AKAP13: variants seen among roughly 807,000 people sequenced by gnomAD.
AKAP13 encodes A-kinase anchor protein 13.
Under a neutral mutation model 264.5 loss-of-function variants are expected in AKAP13, and 80 were observed. The observed-to-expected ratio is 0.30, with a 90% confidence interval of 0.25 to 0.36. The LOEUF (loss-of-function observed/expected upper bound fraction) is 0.36. AKAP13 is among the 10% of genes least tolerant of loss of function. The probability of loss-of-function intolerance (pLI) is 1.00; values close to 1 mark genes in which losing one functional copy is unlikely to be tolerated. For synonymous variants in AKAP13, 1,380 were observed against 1,250.2 expected (o/e 1.10, Z -2.19); for missense variants, 3,712 against 3,435.2 (o/e 1.08, Z -2.01).
chr15:85,524,493 A>AT (rs141578999), intron 3 of AKAP13, among the ~76,000 whole-genome samples: 18,441 of 150,926 alleles, frequency 0.12, 1,478 homozygotes, highest in Non-Finnish European at 0.18. Context: ...TTTTATTATT[A>AT]TTTTTTTATT....
intron 13 of AKAP13, among the ~76,000 whole-genome samples, chr15:85,667,079 G>A (rs2083646731): frequency 6.6e-6 from 1 of 152,114 alleles, no homozygotes; most frequent in Admixed American, 6.5e-5. Flanking sequence ...GGAGTTTGAG[G>A]CAAGAATCTA....
intron 1 of AKAP13, among the ~76,000 whole-genome samples, chr15:85,392,392 C>T (rs1277693013): frequency 5.3e-5 from 8 of 149,918 alleles, no homozygotes; most frequent in Middle Eastern, 3.5e-3. Context: ...GTAGCTGGGA[C>T]TACAGGCGTG....
At position 85,729,069 on chromosome 15, in the gene AKAP13, G is replaced by A. The variant is rs1170264542; in HGVS notation, c.7088-1444G>A. 3.3e-5 allele frequency among the ~76,000 whole-genome samples: 5 copies of A among 152,088 alleles called. No homozygotes were observed. The East Asian group carries it at 5.8e-4, about 18-fold the overall frequency. ...TAATCCCAGCACTTTGGGAGGCCACGGCGGGCGGATCACAAGGTCAGGAGT... is the reference window on the plus strand; with the variant it reads ...TAATCCCAGCACTTTGGGAGGCCACAGCGGGCGGATCACAAGGTCAGGAGT... On this transcript the variant is annotated intron_variant, in intron 29 of 36. Coordinates refer to ENST00000394518, the MANE Select transcript of AKAP13 (RefSeq NM_007200.5).
chr15:85,686,119 A>C (rs1344445318), intron 16 of AKAP13, among the ~76,000 whole-genome samples: 2 of 151,732 alleles, frequency 1.3e-5, no homozygotes, highest in Admixed American at 1.3e-4. Flanking sequence ...ATTTGAAATC[A>C]GTTAAGGAAC....
chr15:85,563,056 G>A (rs1408209809), intron 5 of AKAP13, among the ~76,000 whole-genome samples: 1 of 151,932 alleles, frequency 6.6e-6, no homozygotes, highest in African/African-American at 2.4e-5. Context: ...GCTCATAGAA[G>A]CGAAATAATT....
chr15:85,451,178 T>C (rs1266621963), intron 1 of AKAP13, among the ~76,000 whole-genome samples: 1 of 150,744 alleles, frequency 6.6e-6, no homozygotes, highest in Admixed American at 6.6e-5. Context: ...ATTGCAACCT[T>C]TTTTGTGTTT....
At chr15:85,421,521 A>G (rs1257290161) in intron 1 of AKAP13, among the ~76,000 whole-genome samples, 2 of 152,282 alleles carry the variant, frequency 1.3e-5, no homozygotes, top group African/African-American at 4.8e-5. Flanking sequence ...TGAAAGCCCA[A>G]TATTTGATTT....
chr15:85,746,297 TTG>T lies in AKAP13; in HGVS notation c.*1626_*1627del, dbSNP rs1031104942. The T allele has an allele frequency of 2.0e-5, 3 of 152,526 alleles. No individual in the cohort carries two copies. The highest frequency in any genetic ancestry group is 7.2e-5 in the African/African-American group (3 of 41,530). The allele number at this position is 152,526 out of a possible 1,614,324, so 9.4% of individuals were successfully genotyped here. ...CCTACATTTGTTTTATTTATTGTAT[TTG>T]TGTGTTTGTGTTTGTTTTTTTTTAA... On this transcript the variant is annotated 3_prime_UTR_variant, in exon 37 of 37. Transcript: ENST00000394518.
chr15:85,655,790 G>A lies in AKAP13; in HGVS notation c.4745+3G>A. The A allele has an allele frequency of 6.2e-7, 1 of 1,600,884 alleles. No homozygotes were observed. The highest frequency in any genetic ancestry group is 1.3e-5 in the African/African-American group (1 of 74,684). ...GATGCAGAAATGAACCACCGGAGGT[G>A]AGATGGGAGGCGGTTTGTTTAGTGT... On this transcript the variant is annotated splice_donor_region_variant and intron_variant, in intron 11 of 36. Transcript: ENST00000394518.
Position 85,533,569 on chromosome 15 carries a change from C to T in AKAP13, c.182-15C>T, listed in dbSNP as rs1308218696. 3.1e-6 allele frequency: 5 copies of T among 1,587,604 alleles called. No individual in the cohort carries two copies. Among genetic ancestry groups the T allele is most frequent in the Non-Finnish European group, 4.3e-6 (5 of 1,165,352 alleles). ...GCTCTAATACTGTTTTATTTGCTGC[C>T]TGTGTTTCCTTTAGGTCATGATTGT... On this transcript the variant is annotated splice_polypyrimidine_tract_variant and intron_variant, in intron 3 of 36. Coordinates refer to ENST00000394518, the MANE Select transcript of AKAP13 (RefSeq NM_007200.5).
intron 7 of AKAP13, 127 bp downstream of exon 7, chr15:85,582,234 C>A: frequency 9.4e-7 from 1 of 1,064,918 alleles, no homozygotes; most frequent in Non-Finnish European, 1.3e-6. Context: ...GGTAGGTAGC[C>A]AAGTTAATAG....
In AKAP13 at chr15:85,465,295, T is replaced by C. The variant is rs2074688120; in HGVS notation, c.-11-20415T>C. ...AACCTTGCTGTATATATCTGTTCTT[T>C]AGTAGGCTAGAGATCTTTTAAAGGC... is the stretch of plus-strand genomic sequence containing the variant. On this transcript the variant is annotated intron_variant, in intron 1 of 36. Coordinates refer to ENST00000394518, the MANE Select transcript of AKAP13 (RefSeq NM_007200.5). 2.0e-5 allele frequency among the ~76,000 whole-genome samples: 3 copies of C among 152,064 alleles called. No homozygotes were observed. The South Asian group carries it at 6.2e-4, about 32-fold the overall frequency.
chr15:85,426,901 T>C (rs566007887), intron 1 of AKAP13, among the ~76,000 whole-genome samples: 2 of 152,228 alleles, frequency 1.3e-5, no homozygotes, highest in East Asian at 1.9e-4. Context: ...GATTTTAAGT[T>C]GTATGTGTCT....
rs1183607320 is a variant in AKAP13, at chr15:85,740,756, G to GAC, written c.7609-276_7609-275dup. Among the ~76,000 whole-genome samples, 20 of 116,132 alleles carry GAC rather than the reference G, an allele frequency of 1.7e-4. 1 individual carries two copies. The highest frequency in any genetic ancestry group is 5.1e-4 in the South Asian group (2 of 3,960). The allele number at this position is 116,132 out of a possible 152,430, so 76.2% of individuals were successfully genotyped here. A position where few individuals can be genotyped will look rare whatever the true frequency, so the allele number is the denominator to read the frequency against. On this transcript the variant is annotated intron_variant, in intron 34 of 36. Coordinates refer to ENST00000394518, the MANE Select transcript of AKAP13 (RefSeq NM_007200.5). ...CACACACAACCCACCCACCCACACAGACACACACACACACAACCACCCCCC... is the reference window on the plus strand; with the variant it reads ...CACACACAACCCACCCACCCACACAGACACACACACACACACAACCACCCCCC...
At chr15:85,687,928 T>C (rs1301520268) in intron 16 of AKAP13, among the ~76,000 whole-genome samples, 2 of 151,634 alleles carry the variant, frequency 1.3e-5, no homozygotes, top group East Asian at 3.9e-4. Flanking sequence ...TAGTCCTAGC[T>C]ACTCAGGAGG....
intron 1 of AKAP13, among the ~76,000 whole-genome samples, chr15:85,433,492 C>T (rs1018352412): frequency 1.3e-5 from 2 of 152,160 alleles, no homozygotes; most frequent in African/African-American, 4.8e-5. Context: ...TACCACCTCA[C>T]ATTCAGTGAT....
At chr15:85,734,060 T>C (rs2088255465) in intron 30 of AKAP13, among the ~76,000 whole-genome samples, 1 of 152,150 alleles carries the variant, frequency 6.6e-6, no homozygotes, top group Non-Finnish European at 1.5e-5. Context: ...CTTGAACTCC[T>C]GACCTCAGGT....
intron 10 of AKAP13, among the ~76,000 whole-genome samples, chr15:85,653,935 G>A (rs921427915): frequency 1.3e-5 from 2 of 151,954 alleles, no homozygotes; most frequent in African/African-American, 4.8e-5. Flanking sequence ...TCCTTCCCTC[G>A]CTCCCTCTCA....
intron 5 of AKAP13, among the ~76,000 whole-genome samples, chr15:85,558,128 A>G (rs944673987): frequency 2.6e-5 from 4 of 152,234 alleles, no homozygotes; most frequent in Non-Finnish European, 5.9e-5. Context: ...AAAAGTTAAA[A>G]AAAATCTGAT....
Sources: gnomAD v4.1 joint callset for allele counts (sites outside exome capture counted in the v4.1 genomes callset) on GRCh38, gnomAD v4.1.1 for gene constraint, MANE v1.5 for transcripts, NCBI Gene and HGNC (gene_info 2026-07-23, HGNC 2026-07-21) for gene names.